Variants in PKP4 observed in about 807,000 individuals in gnomAD.
The protein encoded by PKP4 is plakophilin 4, also known as plakophilin-4.
PKP4 carries 90 observed loss-of-function variants against 145.1 expected under a neutral mutation model. The ratio of observed to expected loss-of-function variants is 0.62; its 90% CI spans 0.52 to 0.74. The LOEUF is 0.74. PKP4 is among the 30% of genes least tolerant of loss of function. The probability of loss-of-function intolerance (pLI) is 0.00; values close to 1 mark genes in which losing one functional copy is unlikely to be tolerated. For synonymous variants in PKP4, 563 were observed against 577.2 expected (o/e 0.98, Z 0.35); for missense variants, 1,340 against 1,482.7 (o/e 0.90, Z 1.58).
At chr2:158,534,227 G>C (rs2043836627) in intron 2 of PKP4, among the ~76,000 whole-genome samples, 1 of 152,126 alleles carries the variant, frequency 6.6e-6, no homozygotes, top group Non-Finnish European at 1.5e-5. Context: ...GACGAAGATT[G>C]AGGAAACATT....
In PKP4 at chr2:158,676,865, C is replaced by A. The variant is rs775819637; in HGVS notation, c.3254C>A (p.Pro1085His). The change falls in exon 20 of 22, where the codon CCT becomes CAT. Residue 1085 changes from proline (P) to histidine (H), a missense_variant and splice_region_variant. Transcript: ENST00000389759. ...QGDATHKGLY[P>H]GSSKPSPIYI... ...GATGCCACACATAAAGGCCTGTACCCTGGTAAGACGCCAGTTGGGTGTGTG... is the reference window on the plus strand; with the variant it reads ...GATGCCACACATAAAGGCCTGTACCATGGTAAGACGCCAGTTGGGTGTGTG... The A allele has an allele frequency of 6.2e-7, 1 of 1,614,044 alleles. No homozygotes were observed.
Position 158,680,569 on chromosome 2 carries a change from A to C in PKP4, c.3471A>C (p.Ser1157=), listed in dbSNP as rs1479344183. The C allele has an allele frequency of 1.9e-6, 3 of 1,614,096 alleles. No homozygotes were observed. The highest frequency in any genetic ancestry group is 2.5e-6 in the Non-Finnish European group (3 of 1,179,950). Residue 1157 remains serine (S), a synonymous_variant, in exon 22 of 22, where the codon TCA becomes TCC. Coordinates refer to ENST00000389759, the MANE Select transcript of PKP4 (RefSeq NM_003628.6). Reference sequence around the variant, plus strand: ...ACTTTCCAGCTTCTACTGATTACTCAACACAGTATGGACTGAAATCGACCA... The same window carrying C: ...ACTTTCCAGCTTCTACTGATTACTCCACACAGTATGGACTGAAATCGACCA... ...RVHFPASTDY[S]TQYGLKSTTN... is the part of the protein sequence containing the mutation.
chr2:158,470,056 T>G (rs1419639395), intron 1 of PKP4, among the ~76,000 whole-genome samples: 1 of 152,214 alleles, frequency 6.6e-6, no homozygotes, highest in Non-Finnish European at 1.5e-5. Context: ...CTTTGAACAC[T>G]TGTCACATTG....
chr2:158,612,009 T>C (rs1452643180), intron 4 of PKP4, among the ~76,000 whole-genome samples: 1 of 148,086 alleles, frequency 6.8e-6, no homozygotes, highest in Non-Finnish European at 1.5e-5. Flanking sequence ...AAATAAGATA[T>C]GCTTCTTTAA....
At chr2:158,594,083 C>G (rs983783776) in intron 3 of PKP4, among the ~76,000 whole-genome samples, 5 of 152,090 alleles carry the variant, frequency 3.3e-5, no homozygotes, top group African/African-American at 9.7e-5. Context: ...CCTTTTCTGC[C>G]TTCCATGAGG....
chr2:158,622,355 T>G (rs2052343881), intron 6 of PKP4, among the ~76,000 whole-genome samples: 1 of 152,212 alleles, frequency 6.6e-6, no homozygotes, highest in African/African-American at 2.4e-5. Flanking sequence ...AGCTCCTTTC[T>G]CATTACCACT....
chr2:158,570,886 A>G (rs151039366), intron 2 of PKP4, among the ~76,000 whole-genome samples: 27 of 152,354 alleles, frequency 1.8e-4, no homozygotes, highest in African/African-American at 6.5e-4. Flanking sequence ...GAGGAGTCCT[A>G]TAATCAACAA....
chr2:158,646,563 A>G (rs992613948), intron 11 of PKP4, among the ~76,000 whole-genome samples: 1 of 152,208 alleles, frequency 6.6e-6, no homozygotes, highest in African/African-American at 2.4e-5. Flanking sequence ...CAGTCCTACA[A>G]TTTAGTGGTA....
intron 1 of PKP4, among the ~76,000 whole-genome samples, chr2:158,532,831 C>T (rs73966685): frequency 0.032 from 4,816 of 152,168 alleles, 166 homozygotes; most frequent in East Asian, 0.13. Flanking sequence ...TATTTTTAAG[C>T]CTTCTTTAGG....
chr2:158,614,442 A>G (rs1239437062), intron 4 of PKP4, among the ~76,000 whole-genome samples: 40 of 152,230 alleles, frequency 2.6e-4, no homozygotes, highest in Admixed American at 2.6e-3. Flanking sequence ...TATGAAATGG[A>G]TGCATGAGTT....
intron 7 of PKP4, among the ~76,000 whole-genome samples, chr2:158,626,659 A>G (rs147934767): frequency 2.3e-3 from 347 of 152,310 alleles, no homozygotes; most frequent in Admixed American, 3.9e-3. Flanking sequence ...TACCTTGTCT[A>G]CACTGCACTA....
rs1489509336 is a variant in PKP4, at chr2:158,522,793, G to A, written c.-5-10387G>A. 2.0e-5 allele frequency among the ~76,000 whole-genome samples: 3 copies of A among 152,358 alleles called. No homozygotes were observed. The East Asian group carries it at 5.8e-4, about 29-fold the overall frequency. On this transcript the variant is annotated intron_variant, in intron 1 of 21. Transcript: ENST00000389759. ...GTGTGCGCACCGTGCGCGAGCCAAA[G>A]CAGGGCGAGGCATTGCCTCACCTGG...
At chr2:158,479,497 T>C (rs1693020455) in intron 1 of PKP4, among the ~76,000 whole-genome samples, 1 of 152,234 alleles carries the variant, frequency 6.6e-6, no homozygotes, top group African/African-American at 2.4e-5. Context: ...GTGCTGGGAT[T>C]ACAGGCGTGA....
chr2:158,540,076 A>G (rs1352907732), intron 2 of PKP4, among the ~76,000 whole-genome samples: 2 of 152,200 alleles, frequency 1.3e-5, no homozygotes, highest in East Asian at 3.9e-4. Context: ...AACAACAAGC[A>G]TATGCATTTG....
intron 16 of PKP4, among the ~76,000 whole-genome samples, chr2:158,667,531 A>G (rs1186765147): frequency 6.6e-6 from 1 of 152,216 alleles, no homozygotes; most frequent in East Asian, 1.9e-4. Flanking sequence ...ATGTGAATCT[A>G]TAGTAAACTT....
chr2:158,500,613 C>T (rs1696407958), intron 1 of PKP4, among the ~76,000 whole-genome samples: 1 of 152,198 alleles, frequency 6.6e-6, no homozygotes, highest in Admixed American at 6.5e-5. Context: ...CAATTCAGAG[C>T]CCGTGCCTTC....
chr2:158,524,231 A>T (rs995171687), intron 1 of PKP4, among the ~76,000 whole-genome samples: 10 of 125,612 alleles, frequency 8.0e-5, no homozygotes, highest in Non-Finnish European at 1.5e-4. Context: ...GCAGCCAGAG[A>T]GAAAGGCCGG....
intron 2 of PKP4, among the ~76,000 whole-genome samples, chr2:158,534,827 GTAAA>G (rs1393216876): frequency 2.6e-5 from 4 of 152,254 alleles, no homozygotes; most frequent in Admixed American, 2.6e-4. Context: ...TCTTCTGGCA[GTAAA>G]TAGTGTTCTG....
intron 17 of PKP4, among the ~76,000 whole-genome samples, 156 bp from the exon 18 acceptor site, chr2:158,673,521 C>T (rs1233840315): frequency 6.6e-6 from 1 of 152,220 alleles, no homozygotes; most frequent in Non-Finnish European, 1.5e-5. Flanking sequence ...GACTCCCAGG[C>T]ACACCTGGTC....
Sources: allele counts gnomAD v4.1 joint callset (sites outside exome capture counted in the v4.1 genomes callset), GRCh38; gene constraint gnomAD v4.1.1; transcripts MANE v1.5; gene names NCBI Gene and HGNC (gene_info 2026-07-23, HGNC 2026-07-21).